Variants in CPT1A observed in about 807,000 individuals in gnomAD.
CPT1A encodes carnitine O-palmitoyltransferase 1, liver isoform.
A neutral mutation model predicts 100.8 loss-of-function variants in CPT1A; 64 were observed. The ratio of observed to expected loss-of-function variants is 0.63; its 90% CI spans 0.52 to 0.78. The LOEUF (loss-of-function observed/expected upper bound fraction) is 0.78, where lower values mean the gene tolerates loss of function less well. CPT1A is among the 30% of genes least tolerant of loss of function. CPT1A has a pLI of 0.00. For missense variants in CPT1A, 802 were observed against 1,034.1 expected, an observed-to-expected ratio of 0.78 and a Z score of 3.08; for synonymous variants, 363 against 396.0, an observed-to-expected ratio of 0.92 and a Z score of 0.99.
In CPT1A at chr11:68,775,307, C is replaced by T. The variant is rs767365466; in HGVS notation, c.1575+9G>A. 3.1e-6 allele frequency: 5 copies of T among 1,602,846 alleles called. No individual in the cohort carries two copies. The highest frequency in any genetic ancestry group is 2.2e-5 in the East Asian group (1 of 44,808). On this transcript the variant is annotated intron_variant, in intron 13 of 18. Transcript: ENST00000265641. ...GGTAAGTAACAATGGTTGGATAATC[C>T]GGACTTACTTCCCCCGGGATGTCCC...
intron 4 of CPT1A, among the ~76,000 whole-genome samples, chr11:68,804,567 A>G (rs1855994007): frequency 6.6e-6 from 1 of 152,144 alleles, no homozygotes; most frequent in Admixed American, 6.5e-5. Flanking sequence ...CAGCCTGGGC[A>G]ACATAGTGAG....
chr11:68,797,768 A>T (rs1855791715), intron 6 of CPT1A, among the ~76,000 whole-genome samples: 1 of 152,202 alleles, frequency 6.6e-6, no homozygotes, highest in Admixed American at 6.5e-5. Flanking sequence ...ACTTGAGGTT[A>T]GGAGTTCCGG....
rs201762212 is a variant in CPT1A, at chr11:68,812,542, G to A, written c.176C>T (p.Pro59Leu). 4.7e-5 allele frequency: 76 copies of A among 1,614,010 alleles called. No homozygotes were observed. Among genetic ancestry groups the A allele is most frequent in the Non-Finnish European group, 6.4e-5 (75 of 1,180,022 alleles). The change falls in exon 3 of 19, where the codon CCC becomes CTC. Residue 59 changes from proline to leucine, a missense_variant. Physicochemically the swap from Pro to Leu is moderately conservative, Grantham distance 98. Transcript: ENST00000265641. ...CACCACCACGATAAGCCAACTGGAG[G>A]GGCTTGCCGGGTACACGCCAGTGAT... is the stretch of plus-strand genomic sequence containing the variant. ...GIITGVYPAS[P>L]SSWLIVVVGV...
At chr11:68,830,153 C>T (rs1326770467) in intron 1 of CPT1A, among the ~76,000 whole-genome samples, 2 of 152,156 alleles carry the variant, frequency 1.3e-5, no homozygotes, top group African/African-American at 2.4e-5. Context: ...TGGCGCACAC[C>T]GGTGGTCCTA....
chr11:68,785,943 T>C, intron 9 of CPT1A: 1 of 693,250 alleles, frequency 1.4e-6, no homozygotes, highest in African/African-American at 1.8e-5. Flanking sequence ...CACAGAAATG[T>C]GATGAAGTAC....
At chr11:68,785,264 G>C (rs1005178989) in intron 9 of CPT1A, among the ~76,000 whole-genome samples, 4 of 152,048 alleles carry the variant, frequency 2.6e-5, no homozygotes. Context: ...CAAATTACCC[G>C]AGGCCAGGCG....
intron 1 of CPT1A, among the ~76,000 whole-genome samples, chr11:68,827,512 C>T (rs1434349622): frequency 1.3e-5 from 2 of 151,498 alleles, no homozygotes; most frequent in African/African-American, 4.8e-5. Flanking sequence ...TTTAGAATGT[C>T]CCCCCTACCC....
chr11:68,838,862 C>T (rs1198663014), intron 1 of CPT1A, among the ~76,000 whole-genome samples: 1 of 152,168 alleles, frequency 6.6e-6, no homozygotes, highest in African/African-American at 2.4e-5. Flanking sequence ...GCCACGGGGC[C>T]GGGCCCATCT....
At chr11:68,825,981 G>C (rs535563405) in intron 1 of CPT1A, among the ~76,000 whole-genome samples, 1 of 152,296 alleles carries the variant, frequency 6.6e-6, no homozygotes, top group South Asian at 2.1e-4. Flanking sequence ...CCAGACACAG[G>C]GCAGAGGGTT....
intron 1 of CPT1A, among the ~76,000 whole-genome samples, chr11:68,836,839 A>C (rs1252829679): frequency 1.3e-5 from 2 of 151,136 alleles, no homozygotes; most frequent in Non-Finnish European, 3.0e-5. Flanking sequence ...CAAAATCTCC[A>C]AGAAAAGAAA....
At chr11:68,835,118 AG>A (rs1331471176) in intron 1 of CPT1A, among the ~76,000 whole-genome samples, 1 of 152,240 alleles carries the variant, frequency 6.6e-6, no homozygotes, top group Non-Finnish European at 1.5e-5. Context: ...AAAGCCACAA[AG>A]ATTCACAATT....
chr11:68,773,675 G>A (rs552043019), intron 13 of CPT1A: 6 of 506,988 alleles, frequency 1.2e-5, no homozygotes, highest in South Asian at 1.0e-4. Flanking sequence ...GGCTTCCTCC[G>A]ACACACACTG....
chr11:68,794,906 C>T lies in CPT1A; in HGVS notation c.777G>A (p.Leu259=). 2 of 1,613,834 alleles carry T rather than the reference C, an allele frequency of 1.2e-6. No individual in the cohort carries two copies. Among genetic ancestry groups the T allele is most frequent in the South Asian group, 1.1e-5 (1 of 91,084 alleles). Residue 259 remains leucine (L), a synonymous_variant, in exon 8 of 19, where the codon CTG becomes CTA. Transcript: ENST00000265641. ...GAATGTGAGTTGGAAGGATATACAGCAGATCCTGAAAAGCGACAAAGGTGG... is the reference window on the plus strand; with the variant it reads ...GAATGTGAGTTGGAAGGATATACAGTAGATCCTGAAAAGCGACAAAGGTGG... The part of the protein sequence containing the change: ...MVNSNYYAMD[L]LYILPTHIQA...
In CPT1A at chr11:68,757,553, T is replaced by C; in HGVS notation, c.*91A>G. On this transcript the variant is annotated 3_prime_UTR_variant, in exon 19 of 19. Coordinates refer to ENST00000265641, the MANE Select transcript of CPT1A (RefSeq NM_001876.4). ...AACTGAGTTTTTTTAAGAGCAGTGT[T>C]TCATCCCGAGCTAAGGTCAGGATTA... 6.2e-7 allele frequency: 1 copy of C among 1,601,030 alleles called. No individual in the cohort carries two copies. Among genetic ancestry groups the C allele is most frequent in the Non-Finnish European group, 8.5e-7 (1 of 1,173,958 alleles).
intron 14 of CPT1A, 58 bp from the exon 15 acceptor site, chr11:68,762,819 A>C: frequency 6.2e-7 from 1 of 1,607,448 alleles, no homozygotes; most frequent in Non-Finnish European, 8.5e-7. Context: ...TCTAAAACGT[A>C]AGGAAGGATT....
rs769462031 is a variant in CPT1A at position 68,804,107 on chromosome 11, G to C, written c.454-6C>G. On this transcript the variant is annotated splice_polypyrimidine_tract_variant and splice_region_variant and intron_variant, in intron 4 of 18. Coordinates refer to ENST00000265641, the MANE Select transcript of CPT1A (RefSeq NM_001876.4). The stretch of plus-strand genomic sequence containing the variant: ...GAAAAGATCTTGACCATACCCTGAA[G>C]AGAGAGAATTATATTTTCAGACTAC... 58 of 1,604,948 alleles carry C rather than the reference G, an allele frequency of 3.6e-5. No homozygotes were observed. Among genetic ancestry groups the C allele is most frequent in the Non-Finnish European group, 4.9e-5 (57 of 1,171,798 alleles).
chr11:68,824,248 C>CAA (rs34276531), intron 1 of CPT1A, among the ~76,000 whole-genome samples: 6,424 of 68,910 alleles, frequency 0.093, 179 homozygotes, highest in Admixed American at 0.13. Flanking sequence ...AGCTCCATCT[C>CAA]AAAAAAAAAA....
chr11:68,805,532 C>T (rs1856018001), intron 4 of CPT1A, among the ~76,000 whole-genome samples: 3 of 151,998 alleles, frequency 2.0e-5, no homozygotes, highest in South Asian at 4.1e-4. Flanking sequence ...GCTTCTCTCA[C>T]AAGCAGGCTC....
Position 68,761,610 on chromosome 11 carries a change from A to G in CPT1A, c.1953T>C (p.Ser651=). The G allele has an allele frequency of 1.2e-6, 2 of 1,614,150 alleles. No homozygotes were observed. The highest frequency in any genetic ancestry group is 1.7e-6 in the Non-Finnish European group (2 of 1,180,026). ...GGCAGAAGAGGTGACGATCGATCCC[A>G]GAGCCGGTCATGGCGAGGCGATACA... ...QHMYRLAMTG[S]GIDRHLFCLY... Residue 651 remains serine (S), a synonymous_variant, in exon 16 of 19, where the codon TCT becomes TCC. Transcript: ENST00000265641.
Sources: allele counts gnomAD v4.1 joint callset (sites outside exome capture counted in the v4.1 genomes callset), GRCh38; gene constraint gnomAD v4.1.1; transcripts MANE v1.5; gene names NCBI Gene and HGNC (gene_info 2026-07-23, HGNC 2026-07-21).